The following MCC variants were observed in gnomAD, a reference collection of about 807,000 sequenced individuals.
MCC encodes the protein colorectal mutant cancer protein.
MCC carries 90 observed loss-of-function variants against 116.2 expected under a neutral mutation model. The ratio of observed to expected loss-of-function variants is 0.77; its 90% CI spans 0.65 to 0.92. MCC has a LOEUF of 0.92. Among genes scored for constraint, MCC ranks in the 40% least tolerant of loss-of-function variants. MCC has a pLI of 0.00. For missense variants in MCC, 1,516 were observed against 1,312.2 expected, an observed-to-expected ratio of 1.16 and a Z score of -2.40; for synonymous variants, 578 against 510.5, an observed-to-expected ratio of 1.13 and a Z score of -1.78.
intron 1 of MCC, among the ~76,000 whole-genome samples, chr5:113,467,570 T>C (rs1771948200): frequency 6.6e-6 from 1 of 152,172 alleles, no homozygotes; most frequent in Non-Finnish European, 1.5e-5. Context: ...AGTACCACGC[T>C]GTTTTGGTTA....
intron 11 of MCC, among the ~76,000 whole-genome samples, chr5:113,075,477 C>G (rs1394436869): frequency 6.6e-6 from 1 of 152,216 alleles, no homozygotes; most frequent in African/African-American, 2.4e-5. Flanking sequence ...GCAGGATCCA[C>G]TAGGTGAAGC....
chr5:113,153,761 C>A lies in MCC; in HGVS notation c.628-2339G>T, dbSNP rs963624554. ...TGGACTTGATGTCAGCTCTGTGACC[C>A]CACATCAGTTTCAGAGACTGTCTCA... On this transcript the variant is annotated intron_variant, in intron 3 of 18. Transcript: ENST00000408903. 2.0e-5 allele frequency among the ~76,000 whole-genome samples: 3 copies of A among 152,296 alleles called. No individual in the cohort carries two copies. The South Asian group carries it at 6.2e-4, about 32-fold the overall frequency.
chr5:113,468,578 G>T (rs933995275), intron 1 of MCC, among the ~76,000 whole-genome samples: 11 of 152,104 alleles, frequency 7.2e-5, no homozygotes, highest in Non-Finnish European at 1.5e-4. Flanking sequence ...GCTGGATTCG[G>T]TTTGCCAGTA....
chr5:113,176,262 A>C (rs938165843), intron 3 of MCC, among the ~76,000 whole-genome samples: 77 of 152,136 alleles, frequency 5.1e-4, no homozygotes, highest in African/African-American at 1.7e-3. Flanking sequence ...ATAAAGCTGC[A>C]ATCAGGCCAG....
intron 2 of MCC, among the ~76,000 whole-genome samples, chr5:113,381,550 G>A (rs945614399): frequency 1.3e-5 from 2 of 152,090 alleles, no homozygotes; most frequent in East Asian, 1.9e-4. Flanking sequence ...CACTCTGGGA[G>A]GCTGAGGCAG....
chr5:113,049,972 G>A (rs1346185253), intron 15 of MCC, among the ~76,000 whole-genome samples: 1 of 152,220 alleles, frequency 6.6e-6, no homozygotes, highest in African/African-American at 2.4e-5. Flanking sequence ...TGGAGAATAC[G>A]AAGTGAATCC....
At chr5:113,247,674 C>T (rs925260141) in intron 3 of MCC, among the ~76,000 whole-genome samples, 1 of 152,024 alleles carries the variant, frequency 6.6e-6, no homozygotes, top group Non-Finnish European at 1.5e-5. Context: ...TGATGGGGAC[C>T]GGTCCACAGA....
At chr5:113,229,000 C>T (rs1471333529) in intron 3 of MCC, among the ~76,000 whole-genome samples, 2 of 152,040 alleles carry the variant, frequency 1.3e-5, no homozygotes, top group Non-Finnish European at 2.9e-5. Context: ...GTTTTAAATA[C>T]CTATTAAACA....
At chr5:113,487,988 A>G (rs1171911628) in intron 1 of MCC, among the ~76,000 whole-genome samples, 36 of 152,120 alleles carry the variant, frequency 2.4e-4, no homozygotes, top group Non-Finnish European at 1.6e-4. Flanking sequence ...GCGCATCCTA[A>G]GGAGATGTCT....
chr5:113,433,482 G>T, intron 1 of MCC: 1 of 614,618 alleles, frequency 1.6e-6, no homozygotes, highest in South Asian at 2.0e-5. Context: ...TCTGTGTCCA[G>T]CACCTGCTCC....
intron 2 of MCC, among the ~76,000 whole-genome samples, chr5:113,358,956 G>A (rs549908483): frequency 6.6e-6 from 1 of 152,284 alleles, no homozygotes; most frequent in East Asian, 1.9e-4. Flanking sequence ...CTTAAAATCT[G>A]TGCCTGTGGT....
intron 3 of MCC, among the ~76,000 whole-genome samples, chr5:113,201,387 CAAAAA>C (rs68052804): frequency 2.3e-5 from 3 of 128,278 alleles, no homozygotes; most frequent in African/African-American, 5.8e-5. Flanking sequence ...ACGCCATCTC[CAAAAA>C]AAAAAAAAAA....
chr5:113,297,685 G>T (rs1243214968), intron 3 of MCC, among the ~76,000 whole-genome samples: 2 of 142,402 alleles, frequency 1.4e-5, no homozygotes, highest in East Asian at 2.2e-4. Context: ...CCAGGAGGCA[G>T]ATGTTGCAGT....
intron 13 of MCC, among the ~76,000 whole-genome samples, chr5:113,065,069 G>C (rs186994080): frequency 2.6e-5 from 4 of 152,276 alleles, no homozygotes; most frequent in Admixed American, 2.0e-4. Context: ...GGTGGAGCCA[G>C]AGAACTTTTG....
At chr5:113,445,492 A>T (rs1771183735) in intron 1 of MCC, among the ~76,000 whole-genome samples, 1 of 152,146 alleles carries the variant, frequency 6.6e-6, no homozygotes, top group South Asian at 2.1e-4. Context: ...ACACAATCCC[A>T]TTTATAATAG....
chr5:113,138,929 AG>A (rs1411824808), intron 5 of MCC, among the ~76,000 whole-genome samples: 2 of 152,134 alleles, frequency 1.3e-5, no homozygotes. Flanking sequence ...CCTGTTATCC[AG>A]GTAAGGGAAT....
At chr5:113,439,545 C>T (rs1770969369) in intron 1 of MCC, among the ~76,000 whole-genome samples, 5 of 152,178 alleles carry the variant, frequency 3.3e-5, no homozygotes, top group Admixed American at 3.3e-4. Context: ...AGTGTCCTAG[C>T]CTACCTCACA....
intron 8 of MCC, among the ~76,000 whole-genome samples, chr5:113,097,991 A>T (rs914816675): frequency 6.6e-6 from 1 of 152,224 alleles, no homozygotes; most frequent in Non-Finnish European, 1.5e-5. Context: ...GTGTGTAAAG[A>T]AGAAATTGTT....
intron 6 of MCC, among the ~76,000 whole-genome samples, chr5:113,120,255 T>G (rs1279878798): frequency 2.6e-5 from 4 of 152,186 alleles, no homozygotes; most frequent in Admixed American, 2.0e-4. Context: ...CTTAGCATGC[T>G]GGTATGAACT....
Sources: allele counts gnomAD v4.1 joint callset (sites outside exome capture counted in the v4.1 genomes callset), GRCh38; gene constraint gnomAD v4.1.1; transcripts MANE v1.5; gene names NCBI Gene and HGNC (gene_info 2026-07-23, HGNC 2026-07-21).